Variants in MACROD2 observed in about 807,000 individuals in gnomAD.
The protein encoded by MACROD2 is ADP-ribose glycohydrolase MACROD2.
A neutral mutation model predicts 70.4 loss-of-function variants in MACROD2; 36 were observed. That is an observed-to-expected ratio of 0.51 (90% confidence interval 0.39 to 0.68). The LOEUF (loss-of-function observed/expected upper bound fraction) is 0.68, where lower values mean the gene tolerates loss of function less well. Among genes scored for constraint, MACROD2 ranks in the 30% least tolerant of loss-of-function variants. The pLI is 0.00. For synonymous variants in MACROD2, 172 were observed against 178.8 expected, an observed-to-expected ratio of 0.96 and a Z score of 0.30; for missense variants, 496 against 538.4, an observed-to-expected ratio of 0.92 and a Z score of 0.78.
chr20:15,978,035 T>C (rs1342575127), intron 13 of MACROD2, among the ~76,000 whole-genome samples: 1 of 152,212 alleles, frequency 6.6e-6, no homozygotes, highest in African/African-American at 2.4e-5. Flanking sequence ...ATTTGCAGAT[T>C]CACTTACATC....
intron 2 of MACROD2, among the ~76,000 whole-genome samples, chr20:14,078,086 T>C (rs6042512): frequency 0.99 from 151,063 of 152,046 alleles, 75,051 homozygotes; most frequent in East Asian, 1. Context: ...ATTTTTAGTA[T>C]AGACGGGGTT....
At chr20:15,775,047 G>A (rs1401579472) in intron 8 of MACROD2, among the ~76,000 whole-genome samples, 1 of 152,076 alleles carries the variant, frequency 6.6e-6, no homozygotes, top group African/African-American at 2.4e-5. Flanking sequence ...GGGCTGAGAA[G>A]TGTAGCCTCC....
chr20:15,160,004 A>G (rs2076336577), intron 5 of MACROD2, among the ~76,000 whole-genome samples: 1 of 152,146 alleles, frequency 6.6e-6, no homozygotes, highest in Admixed American at 6.6e-5. Context: ...CCAATGGCTT[A>G]ATAGGAACAA....
chr20:15,751,782 G>A (rs537083709), intron 8 of MACROD2, among the ~76,000 whole-genome samples: 1 of 151,592 alleles, frequency 6.6e-6, no homozygotes, highest in Non-Finnish European at 1.5e-5. Context: ...TAATGAGAAA[G>A]TGTCATAAAA....
At chr20:15,506,199 T>C (rs1466514649) in intron 8 of MACROD2, among the ~76,000 whole-genome samples, 1 of 152,066 alleles carries the variant, frequency 6.6e-6, no homozygotes, top group Non-Finnish European at 1.5e-5. Context: ...TCATCCTTGA[T>C]GTCCTTTGGA....
chr20:14,297,001 T>G (rs2082432944), intron 3 of MACROD2, among the ~76,000 whole-genome samples: 1 of 151,830 alleles, frequency 6.6e-6, no homozygotes, highest in Non-Finnish European at 1.5e-5. Context: ...ATTTCAAACT[T>G]TTTCATTATT....
At chr20:15,491,443 AT>A (rs1201176948) in intron 7 of MACROD2, among the ~76,000 whole-genome samples, 1 of 152,194 alleles carries the variant, frequency 6.6e-6, no homozygotes, top group Non-Finnish European at 1.5e-5. Context: ...CAAAAAGCAG[AT>A]TTAAAGGCAG....
At chr20:15,045,356 T>A (rs191634441) in intron 5 of MACROD2, among the ~76,000 whole-genome samples, 1 of 152,164 alleles carries the variant, frequency 6.6e-6, no homozygotes, top group South Asian at 2.1e-4. Context: ...GTGAGAGTGT[T>A]CTGACCTTGT....
rs185659751 is a variant in MACROD2, at chr20:14,849,133, C to T, written c.418+164174C>T. On this transcript the variant is annotated intron_variant, in intron 5 of 17. Coordinates refer to ENST00000684519, the MANE Select transcript of MACROD2 (RefSeq NM_001351661.2). ...TCTTTGGCACAGTTAGGTGCTCTGA[C>T]CTTTTGAATAGACCTGCAAAATGCA... is the stretch of plus-strand genomic sequence containing the variant. Among the ~76,000 whole-genome samples the T allele has an allele frequency of 3.3e-5, 5 of 152,224 alleles. No individual in the cohort carries two copies. The East Asian group carries it at 9.7e-4, about 29-fold the overall frequency.
chr20:14,736,544 T>C (rs1293573906), intron 5 of MACROD2, among the ~76,000 whole-genome samples: 1 of 152,164 alleles, frequency 6.6e-6, no homozygotes, highest in African/African-American at 2.4e-5. Context: ...CAAACATCCT[T>C]CATGTATTTA....
At chr20:14,035,489 T>G (rs2053296228) in intron 2 of MACROD2, among the ~76,000 whole-genome samples, 1 of 152,194 alleles carries the variant, frequency 6.6e-6, no homozygotes, top group African/African-American at 2.4e-5. Flanking sequence ...AGGATAATTA[T>G]TAATCTGTAA....
intron 6 of MACROD2, among the ~76,000 whole-genome samples, chr20:15,277,079 GC>G (rs373727078): frequency 3.0e-4 from 46 of 152,284 alleles, no homozygotes; most frequent in African/African-American, 1.1e-3. Flanking sequence ...AGATGGGGTG[GC>G]TTTGACAACT....
At chr20:14,439,525 T>C (rs1296030514) in intron 3 of MACROD2, among the ~76,000 whole-genome samples, 1 of 152,136 alleles carries the variant, frequency 6.6e-6, no homozygotes, top group Non-Finnish European at 1.5e-5. Flanking sequence ...TGTATGTATA[T>C]AAGAAATTGT....
intron 3 of MACROD2, among the ~76,000 whole-genome samples, chr20:14,386,404 G>C (rs1301013249): frequency 1.3e-5 from 2 of 152,226 alleles, no homozygotes; most frequent in Admixed American, 6.5e-5. Flanking sequence ...TTGGATATTT[G>C]TCCTCATGCA....
chr20:15,784,320 G>A (rs954879933), intron 8 of MACROD2, among the ~76,000 whole-genome samples: 2 of 151,054 alleles, frequency 1.3e-5, no homozygotes, highest in Admixed American at 6.6e-5. Flanking sequence ...TAGCTCTGAG[G>A]AATGATTTTT....
At chr20:14,521,005 T>G (rs1199028849) in intron 4 of MACROD2, among the ~76,000 whole-genome samples, 2 of 152,154 alleles carry the variant, frequency 1.3e-5, no homozygotes, top group East Asian at 3.9e-4. Context: ...TAGGTTTTCT[T>G]GAAGTTTTAC....
chr20:15,021,057 C>T (rs1352433873), intron 5 of MACROD2, among the ~76,000 whole-genome samples: 1 of 141,092 alleles, frequency 7.1e-6, no homozygotes, highest in African/African-American at 2.6e-5. Flanking sequence ...TACACATGTG[C>T]ATATGTATAC....
intron 8 of MACROD2, among the ~76,000 whole-genome samples, chr20:15,601,181 C>A (rs2048814549): frequency 6.6e-6 from 1 of 152,202 alleles, no homozygotes; most frequent in Non-Finnish European, 1.5e-5. Flanking sequence ...CTCAGCCTCA[C>A]TGGGGTTCCA....
At chr20:15,346,759 A>T (rs541621428) in intron 6 of MACROD2, among the ~76,000 whole-genome samples, 1 of 152,340 alleles carries the variant, frequency 6.6e-6, no homozygotes, top group African/African-American at 2.4e-5. Flanking sequence ...TTCAGAGGTT[A>T]ATAGGTTAAT....
Sources: allele counts gnomAD v4.1 joint callset (sites outside exome capture counted in the v4.1 genomes callset), GRCh38; gene constraint gnomAD v4.1.1; transcripts MANE v1.5; gene names NCBI Gene and HGNC (gene_info 2026-07-23, HGNC 2026-07-21).